Variants in ZBTB7C observed in about 807,000 individuals in gnomAD.
ZBTB7C encodes zinc finger and BTB domain containing 7C.
A neutral mutation model predicts 25.7 loss-of-function variants in ZBTB7C; 8 were observed. That is an observed-to-expected ratio of 0.31 (90% CI 0.18 to 0.56). ZBTB7C has a LOEUF of 0.56. Ranked by LOEUF, ZBTB7C falls within the 20% of genes least tolerant of loss-of-function variation. The pLI is 0.91. For synonymous variants in ZBTB7C, 394 were observed against 369.0 expected (o/e 1.07, Z -0.78); for missense variants, 824 against 855.2 (o/e 0.96, Z 0.46).
intron 3 of ZBTB7C, among the ~76,000 whole-genome samples, chr18:48,174,498 G>C (rs72922148): frequency 6.6e-5 from 10 of 152,354 alleles, no homozygotes; most frequent in Non-Finnish European, 1.0e-4. Flanking sequence ...CCCATGGAGG[G>C]GAATCTGGCA....
intron 3 of ZBTB7C, among the ~76,000 whole-genome samples, chr18:48,119,053 T>C (rs2039539816): frequency 6.6e-6 from 1 of 152,186 alleles, no homozygotes; most frequent in East Asian, 1.9e-4. Context: ...CAGAATCACC[T>C]GCACGGCTTG....
chr18:48,339,660 T>C (rs2044374017), intron 1 of ZBTB7C, among the ~76,000 whole-genome samples: 2 of 150,960 alleles, frequency 1.3e-5, no homozygotes, highest in African/African-American at 4.9e-5. Flanking sequence ...GGGTGGGGGA[T>C]GAGTGGGAAT....
chr18:48,343,701 C>G (rs1243727375), intron 1 of ZBTB7C, among the ~76,000 whole-genome samples: 1 of 152,176 alleles, frequency 6.6e-6, no homozygotes, highest in East Asian at 1.9e-4. Context: ...TGCCCACGCC[C>G]ACACTCCTTC....
At chr18:48,052,253 T>C (rs1281222832) in intron 3 of ZBTB7C, among the ~76,000 whole-genome samples, 1 of 152,202 alleles carries the variant, frequency 6.6e-6, no homozygotes, top group East Asian at 1.9e-4. Context: ...CATCAACCCA[T>C]GAGAGCACTA....
intron 2 of ZBTB7C, among the ~76,000 whole-genome samples, chr18:48,323,860 T>A (rs1235441939): frequency 6.6e-6 from 1 of 152,062 alleles, no homozygotes; most frequent in Non-Finnish European, 1.5e-5. Flanking sequence ...GATGCTATGG[T>A]CTGAATGTGT....
chr18:48,243,267 C>G (rs1231797503), intron 2 of ZBTB7C, among the ~76,000 whole-genome samples: 1 of 92,346 alleles, frequency 1.1e-5, no homozygotes, highest in Non-Finnish European at 2.3e-5. Flanking sequence ...CTCTACCCCC[C>G]CACAAAAAAA....
chr18:48,328,938 A>G (rs1024304544), intron 2 of ZBTB7C, among the ~76,000 whole-genome samples: 61 of 152,266 alleles, frequency 4.0e-4, no homozygotes, highest in African/African-American at 1.4e-3. Flanking sequence ...TTAAAGATGA[A>G]CCATTAACCG....
intron 3 of ZBTB7C, among the ~76,000 whole-genome samples, chr18:48,048,820 C>A (rs2036573182): frequency 6.6e-6 from 1 of 152,192 alleles, no homozygotes; most frequent in South Asian, 2.1e-4. Flanking sequence ...CTGTTCGGAG[C>A]ATCACCATCT....
At chr18:48,189,493 C>A (rs1444590440) in intron 2 of ZBTB7C, among the ~76,000 whole-genome samples, 2 of 152,140 alleles carry the variant, frequency 1.3e-5, no homozygotes, top group African/African-American at 4.8e-5. Flanking sequence ...TCCCCTCTGT[C>A]TTCCCATCTG....
intron 2 of ZBTB7C, among the ~76,000 whole-genome samples, chr18:48,281,615 A>T (rs563996837): frequency 6.6e-6 from 1 of 152,348 alleles, no homozygotes; most frequent in East Asian, 1.9e-4. Flanking sequence ...AATTTACAAG[A>T]AAACAACTAA....
At chr18:48,075,578 C>T (rs1353368754) in intron 3 of ZBTB7C, among the ~76,000 whole-genome samples, 2 of 152,164 alleles carry the variant, frequency 1.3e-5, no homozygotes, top group African/African-American at 4.8e-5. Flanking sequence ...TTGATTCCTC[C>T]TCCTGCCTCC....
Position 48,320,606 on chromosome 18 carries a change from G to C in ZBTB7C, c.-79+17568C>G, listed in dbSNP as rs955656746. ...GATGACACAGCTGCTGCTCTCCTGG[G>C]GGCTCCCAGGCTGACAGCCAAGGCC... On this transcript the variant is annotated intron_variant, in intron 2 of 4. Transcript: ENST00000590800. 1.2e-4 allele frequency among the ~76,000 whole-genome samples: 19 copies of C among 152,270 alleles called. 1 individual carries two copies. The highest frequency in any genetic ancestry group is 4.3e-4 in the African/African-American group (18 of 41,556).
intron 1 of ZBTB7C, among the ~76,000 whole-genome samples, chr18:48,367,295 T>C (rs147605247): frequency 0.013 from 1,712 of 136,360 alleles, 50 homozygotes; most frequent in African/African-American, 0.045. Context: ...TATGTATCTA[T>C]ACATATATGT....
At chr18:48,107,392 G>A (rs576925542) in intron 3 of ZBTB7C, among the ~76,000 whole-genome samples, 148 of 151,566 alleles carry the variant, frequency 9.8e-4, no homozygotes, top group African/African-American at 3.5e-3. Context: ...GGTGGGAGAA[G>A]GGCCCAGGAA....
intron 2 of ZBTB7C, among the ~76,000 whole-genome samples, chr18:48,258,136 T>C (rs1452484248): frequency 6.6e-6 from 1 of 152,234 alleles, no homozygotes; most frequent in Non-Finnish European, 1.5e-5. Flanking sequence ...TATTTAATGA[T>C]GAACAACTGA....
rs570534501 is a variant in ZBTB7C at position 48,174,270 on chromosome 18, A to C, written c.-17+11664T>G. Among the ~76,000 whole-genome samples the C allele has an allele frequency of 1.4e-4, 21 of 152,258 alleles. No individual in the cohort carries two copies. The East Asian group carries it at 3.6e-3, about 26-fold the overall frequency. On this transcript the variant is annotated intron_variant, in intron 3 of 4. Coordinates refer to ENST00000590800, the MANE Select transcript of ZBTB7C (RefSeq NM_001318841.2). ...AGGGACAAAGAACCAAAAACCCAATAGCAAATGGACAAGATATAAAGACAA... is the reference window on the plus strand; with the variant it reads ...AGGGACAAAGAACCAAAAACCCAATCGCAAATGGACAAGATATAAAGACAA...
chr18:48,091,663 T>C (rs990415062), intron 3 of ZBTB7C, among the ~76,000 whole-genome samples: 1 of 152,146 alleles, frequency 6.6e-6, no homozygotes, highest in African/African-American at 2.4e-5. Context: ...TCCTTCACTG[T>C]GCAGGTGAGG....
chr18:48,067,346 C>T (rs971261586), intron 3 of ZBTB7C, among the ~76,000 whole-genome samples: 1 of 152,194 alleles, frequency 6.6e-6, no homozygotes, highest in Non-Finnish European at 1.5e-5. Context: ...GACCACTTCT[C>T]TACTTCCCTT....
chr18:48,314,241 T>C (rs889992953), intron 2 of ZBTB7C, among the ~76,000 whole-genome samples: 4 of 152,218 alleles, frequency 2.6e-5, no homozygotes, highest in African/African-American at 9.6e-5. Flanking sequence ...TTAGTATAAG[T>C]GCGTTCTGTG....
Sources: allele counts gnomAD v4.1 joint callset (sites outside exome capture counted in the v4.1 genomes callset), GRCh38; gene constraint gnomAD v4.1.1; transcripts MANE v1.5; gene names NCBI Gene and HGNC (gene_info 2026-07-23, HGNC 2026-07-21).